The following FBXL17 variants were observed in gnomAD, a reference collection of about 807,000 sequenced individuals.
FBXL17 encodes the protein F-box and leucine rich repeat protein 17, also known as F-box/LRR-repeat protein 17.
FBXL17 carries 22 observed loss-of-function variants against 66.2 expected under a neutral mutation model. The ratio of observed to expected loss-of-function variants is 0.33; its 90% CI spans 0.24 to 0.47. FBXL17 has a LOEUF of 0.47. Among genes scored for constraint, FBXL17 ranks in the 20% least tolerant of loss-of-function variants. The probability of loss-of-function intolerance (pLI) is 1.00; values close to 1 mark genes in which losing one functional copy is unlikely to be tolerated. For missense variants in FBXL17, 878 were observed against 948.2 expected (o/e 0.93, Z 0.97); for synonymous variants, 474 against 400.5 (o/e 1.18, Z -2.19).
intron 6 of FBXL17, among the ~76,000 whole-genome samples, chr5:108,075,353 A>G (rs1014729553): frequency 6.6e-6 from 1 of 151,962 alleles, no homozygotes; most frequent in Non-Finnish European, 1.5e-5. Flanking sequence ...ACTTTCCATC[A>G]CTCTCTGTGC....
At chr5:108,115,331 G>T (rs79921474) in intron 6 of FBXL17, among the ~76,000 whole-genome samples, 23,072 of 151,708 alleles carry the variant, frequency 0.15, 1,795 homozygotes, top group Admixed American at 0.17. Context: ...TGAGTATGTA[G>T]GTAGGTTGAA....
intron 6 of FBXL17, among the ~76,000 whole-genome samples, chr5:108,185,221 A>G (rs1020697561): frequency 6.6e-6 from 1 of 152,176 alleles, no homozygotes; most frequent in Non-Finnish European, 1.5e-5. Context: ...AGGTGCTGAT[A>G]TGGTTTGGAT....
chr5:108,261,078 AATAGAG>A (rs377236797), intron 4 of FBXL17, among the ~76,000 whole-genome samples: 33 of 152,324 alleles, frequency 2.2e-4, no homozygotes, highest in African/African-American at 5.8e-4. Flanking sequence ...ATTAAAATAC[AATAGAG>A]ATAAACAGTA....
chr5:108,035,051 A>G (rs767861395), intron 6 of FBXL17, among the ~76,000 whole-genome samples: 3 of 152,174 alleles, frequency 2.0e-5, no homozygotes, highest in Non-Finnish European at 2.9e-5. Flanking sequence ...AAAGCCATGG[A>G]AAGTGACTCC....
At chr5:108,300,916 G>GTA (rs953739412) in intron 4 of FBXL17, among the ~76,000 whole-genome samples, 6 of 151,414 alleles carry the variant, frequency 4.0e-5, no homozygotes, top group African/African-American at 1.2e-4. Context: ...GAATATGTCT[G>GTA]TATATATATA....
At chr5:107,977,324 A>AAC (rs562972334) in intron 7 of FBXL17, among the ~76,000 whole-genome samples, 20 of 152,210 alleles carry the variant, frequency 1.3e-4, no homozygotes, top group African/African-American at 3.9e-4. Flanking sequence ...AATGATAAGG[A>AAC]ACACACACAC....
At chr5:108,241,911 T>C (rs1411954249) in intron 4 of FBXL17, among the ~76,000 whole-genome samples, 1 of 152,028 alleles carries the variant, frequency 6.6e-6, no homozygotes, top group Admixed American at 6.6e-5. Context: ...GAATAGTATA[T>C]CTAACCAAAA....
chr5:108,097,016 C>A (rs1046653681), intron 6 of FBXL17, among the ~76,000 whole-genome samples: 1 of 152,070 alleles, frequency 6.6e-6, no homozygotes, highest in Non-Finnish European at 1.5e-5. Flanking sequence ...GCTCTGTGTC[C>A]CCATCCAAAT....
intron 6 of FBXL17, among the ~76,000 whole-genome samples, chr5:108,081,606 C>A (rs1323399770): frequency 1.3e-5 from 2 of 152,020 alleles, no homozygotes; most frequent in Non-Finnish European, 2.9e-5. Flanking sequence ...GTCTGTAGTC[C>A]CAGCTACTCG....
At chr5:108,107,722 G>A (rs1159043642) in intron 6 of FBXL17, among the ~76,000 whole-genome samples, 1 of 148,502 alleles carries the variant, frequency 6.7e-6, no homozygotes, top group Non-Finnish European at 1.5e-5. Flanking sequence ...TGAGGCAGGA[G>A]AATGGCATGA....
intron 6 of FBXL17, among the ~76,000 whole-genome samples, chr5:108,133,059 G>A (rs186066649): frequency 4.9e-4 from 74 of 152,202 alleles, no homozygotes; most frequent in Admixed American, 1.6e-3. Flanking sequence ...AACAATAATC[G>A]TCATTAATAT....
chr5:108,279,753 T>C (rs1186781348), intron 4 of FBXL17, among the ~76,000 whole-genome samples: 1 of 151,804 alleles, frequency 6.6e-6, no homozygotes, highest in African/African-American at 2.4e-5. Context: ...ATGAAAAATT[T>C]ACCAACGAGA....
intron 3 of FBXL17, among the ~76,000 whole-genome samples, chr5:108,357,746 A>G (rs1748094046): frequency 1.3e-5 from 2 of 152,080 alleles, no homozygotes; most frequent in Admixed American, 1.3e-4. Flanking sequence ...TTATACTTTA[A>G]GTTCTAGGGT....
intron 7 of FBXL17, among the ~76,000 whole-genome samples, chr5:108,008,591 T>A (rs907167193): frequency 6.6e-6 from 1 of 152,214 alleles, no homozygotes; most frequent in Non-Finnish European, 1.5e-5. Flanking sequence ...TATAAATGTG[T>A]GTAATAATAT....
chr5:108,049,625 GC>G (rs1747395341), intron 6 of FBXL17, among the ~76,000 whole-genome samples: 1 of 152,164 alleles, frequency 6.6e-6, no homozygotes, highest in East Asian at 1.9e-4. Context: ...ACCAGCTACT[GC>G]AAAATCACAC....
chr5:108,105,668 G>A (rs1448248625), intron 6 of FBXL17, among the ~76,000 whole-genome samples: 1 of 152,116 alleles, frequency 6.6e-6, no homozygotes, highest in Non-Finnish European at 1.5e-5. Context: ...TATTATCCTA[G>A]ACAAATTATA....
chr5:108,338,452 C>A (rs1483617756), intron 4 of FBXL17, among the ~76,000 whole-genome samples: 1 of 152,052 alleles, frequency 6.6e-6, no homozygotes, highest in Non-Finnish European at 1.5e-5. Context: ...AGATTTTATG[C>A]TCCAATCAAA....
intron 8 of FBXL17, among the ~76,000 whole-genome samples, chr5:107,878,042 C>T (rs1222831693): frequency 6.6e-6 from 1 of 152,186 alleles, no homozygotes; most frequent in East Asian, 1.9e-4. Flanking sequence ...GCAAATCTTT[C>T]TGCATCCCTG....
chr5:108,381,810 G>GCACACACACGCA lies in FBXL17; in HGVS notation c.-131_-120dup. On this transcript the variant is annotated 5_prime_UTR_variant, in exon 1 of 9. Coordinates refer to ENST00000542267, the MANE Select transcript of FBXL17 (RefSeq NM_001163315.3). ...CCCCCGGAGGGGTCGCCCTTCCTGC[G>GCACACACACGCA]CACACACACGCACACACGGGCACAC... 7.5e-7 allele frequency: 1 copy of GCACACACACGCA among 1,335,936 alleles called. No homozygotes were observed. The highest frequency in any genetic ancestry group is 9.6e-7 in the Non-Finnish European group (1 of 1,046,386). 82.8% of individuals were successfully genotyped at this position (1,335,936 alleles called of 1,614,324 possible). A position where few individuals can be genotyped will look rare whatever the true frequency, so the allele number is the denominator to read the frequency against.
Sources: gnomAD v4.1 joint callset for allele counts (sites outside exome capture counted in the v4.1 genomes callset) on GRCh38, gnomAD v4.1.1 for gene constraint, MANE v1.5 for transcripts, NCBI Gene and HGNC (gene_info 2026-07-23, HGNC 2026-07-21) for gene names.